Variants in ADAMTS2 observed in about 807,000 individuals in gnomAD.
ADAMTS2 encodes A disintegrin and metalloproteinase with thrombospondin motifs 2.
A neutral mutation model predicts 123.0 loss-of-function variants in ADAMTS2; 50 were observed. That is an observed-to-expected ratio of 0.41 (90% CI 0.32 to 0.51). The LOEUF (loss-of-function observed/expected upper bound fraction) is 0.51, where lower values mean the gene tolerates loss of function less well. ADAMTS2 is among the 20% of genes least tolerant of loss of function. The pLI is 0.35. For synonymous variants in ADAMTS2, 678 were observed against 695.4 expected (o/e 0.98, Z 0.39); for missense variants, 1,494 against 1,705.2 (o/e 0.88, Z 2.18).
At chr5:179,205,127 G>A (rs1764649071) in intron 4 of ADAMTS2, among the ~76,000 whole-genome samples, 2 of 152,188 alleles carry the variant, frequency 1.3e-5, no homozygotes, top group African/African-American at 4.8e-5. Flanking sequence ...AAGTTGGACG[G>A]CAAAAGTGAG....
At chr5:179,151,077 AG>A (rs1040083807) in intron 10 of ADAMTS2, 53 of 347,976 alleles carry the variant, frequency 1.5e-4, no homozygotes, top group Admixed American at 1.3e-3. Flanking sequence ...TTGTATTTTT[AG>A]TAGAGACGGG....
At chr5:179,298,119 G>C (rs1756394221) in intron 2 of ADAMTS2, among the ~76,000 whole-genome samples, 1 of 152,176 alleles carries the variant, frequency 6.6e-6, no homozygotes. Context: ...CTGCAACGCA[G>C]ATTCCGTGCT....
intron 4 of ADAMTS2, among the ~76,000 whole-genome samples, chr5:179,195,974 G>A (rs1000024537): frequency 2.6e-5 from 4 of 152,174 alleles, no homozygotes; most frequent in African/African-American, 4.8e-5. Context: ...TATGACTTGG[G>A]GCGACGCCTT....
At chr5:179,208,376 C>T (rs541435668) in intron 3 of ADAMTS2, among the ~76,000 whole-genome samples, 11 of 152,336 alleles carry the variant, frequency 7.2e-5, no homozygotes, top group South Asian at 2.1e-4. Context: ...GGCCAGGTCC[C>T]GGGCCCCCTC....
intron 4 of ADAMTS2, among the ~76,000 whole-genome samples, chr5:179,200,959 G>C (rs1295460520): frequency 6.6e-6 from 1 of 152,012 alleles, no homozygotes; most frequent in Non-Finnish European, 1.5e-5. Flanking sequence ...GGCATGAATA[G>C]GCCAAGCAAA....
chr5:179,229,037 G>A (rs541936528), intron 3 of ADAMTS2, among the ~76,000 whole-genome samples: 1 of 152,084 alleles, frequency 6.6e-6, no homozygotes, highest in East Asian at 1.9e-4. Context: ...ACCTCGGTCA[G>A]GCACCTCCAG....
At chr5:179,326,753 C>CAGGG (rs1757330705) in intron 2 of ADAMTS2, among the ~76,000 whole-genome samples, 1 of 152,052 alleles carries the variant, frequency 6.6e-6, no homozygotes, top group Non-Finnish European at 1.5e-5. Flanking sequence ...CTCGCTCGCC[C>CAGGG]AGGGAGGGAG....
At chr5:179,330,541 G>C (rs1377574130) in intron 2 of ADAMTS2, among the ~76,000 whole-genome samples, 1 of 152,230 alleles carries the variant, frequency 6.6e-6, no homozygotes, top group East Asian at 1.9e-4. Flanking sequence ...GAAGAACGCA[G>C]CAACTCTGGC....
rs1343616339 is a variant in ADAMTS2, at chr5:179,228,006, G to T, written c.689-20291C>A. 6.6e-6 allele frequency among the ~76,000 whole-genome samples: 1 copy of T among 152,120 alleles called. No individual in the cohort carries two copies. Among genetic ancestry groups the T allele is most frequent in the Non-Finnish European group, 1.5e-5 (1 of 68,002 alleles). On this transcript the variant is annotated intron_variant, in intron 3 of 21. Coordinates refer to ENST00000251582, the MANE Select transcript of ADAMTS2 (RefSeq NM_014244.5). This position sits in a 1 kb window ranked among gnomAD's most constrained non-coding sequence, Gnocchi z 5.2. ...CTGACCTGGGCAACCGGTCACCCTG[G>T]GAAGCCTTCCCTGCAAGGGACCCTC...
chr5:179,284,825 A>G (rs1369399072), intron 2 of ADAMTS2, among the ~76,000 whole-genome samples: 1 of 152,228 alleles, frequency 6.6e-6, no homozygotes, highest in African/African-American at 2.4e-5. Flanking sequence ...TGGTGACCGA[A>G]GAAGGCGGCA....
At chr5:179,259,948 G>C (rs1043174315) in intron 3 of ADAMTS2, among the ~76,000 whole-genome samples, 4 of 152,232 alleles carry the variant, frequency 2.6e-5, no homozygotes, top group Non-Finnish European at 5.9e-5. Context: ...GCAGGGCACA[G>C]TGCAAAATGG....
chr5:179,187,908 C>G (rs780751408), intron 4 of ADAMTS2, among the ~76,000 whole-genome samples: 12 of 152,200 alleles, frequency 7.9e-5, no homozygotes, highest in Non-Finnish European at 1.5e-4. Context: ...GAGGAAGGAG[C>G]GGCTCTGCAT....
rs4700784 is a variant in ADAMTS2 at position 179,154,976 on chromosome 5, G to A, written c.1133-57C>T. ...TGCCATAGCCTGGCCGGGAAGGTGA[G>A]GCCTGGCCTAACTCCCAGGCGCTGC... On this transcript the variant is annotated intron_variant, in intron 6 of 21. Transcript: ENST00000251582. The A allele has an allele frequency of 0.14, 203,667 of 1,500,846 alleles. 15,641 individuals are homozygous for A. Among genetic ancestry groups the A allele is most frequent in the African/African-American group, 0.31 (22,862 of 72,842 alleles). 93.0% of individuals were successfully genotyped at this position (1,500,846 alleles called of 1,614,324 possible).
rs1763531649 is a variant in ADAMTS2 at position 179,158,649 on chromosome 5, C to G, written c.1132+74G>C. On this transcript the variant is annotated intron_variant, in intron 6 of 21. Transcript: ENST00000251582. This position sits in a 1 kb window ranked among gnomAD's most constrained non-coding sequence, Gnocchi z 5.0. ...CTCTTCCCTGGGCTGGGCCAAGGCT[C>G]CCGGGGCCCCTTGCATGGCCAGGGG... 1.2e-6 allele frequency: 2 copies of G among 1,607,552 alleles called. No individual in the cohort carries two copies. The highest frequency in any genetic ancestry group is 3.3e-5 in the Admixed American group (2 of 59,990).
At position 179,345,378 on chromosome 5, in the gene ADAMTS2, T is replaced by A; in HGVS notation, c.-50A>T. 2.7e-6 allele frequency: 3 copies of A among 1,097,332 alleles called. No homozygotes were observed. In the African/African-American group the frequency reaches 5.1e-5, roughly 19 times the overall value. 68.0% of individuals were successfully genotyped at this position (1,097,332 alleles called of 1,614,324 possible). A position where few individuals can be genotyped will look rare whatever the true frequency, so the allele number is the denominator to read the frequency against. On this transcript the variant is annotated 5_prime_UTR_variant, in exon 1 of 22. Transcript: ENST00000251582. This position sits in a 1 kb window ranked among gnomAD's most constrained non-coding sequence, Gnocchi z 7.5. ...CCGCACTCGCAGCCGGCGCGAAAGT[T>A]CCCCGCGAGCCGCCCAGCCCACATC...
At chr5:179,240,837 C>T (rs1169400367) in intron 3 of ADAMTS2, among the ~76,000 whole-genome samples, 2 of 152,314 alleles carry the variant, frequency 1.3e-5, no homozygotes, top group East Asian at 3.9e-4. Context: ...TAAACGTCAC[C>T]AGATTCAGAG....
At chr5:179,247,445 G>A (rs1293125488) in intron 3 of ADAMTS2, among the ~76,000 whole-genome samples, 2 of 151,846 alleles carry the variant, frequency 1.3e-5, no homozygotes, top group African/African-American at 2.4e-5. Flanking sequence ...AGAAACAAAG[G>A]GGCATAAAGA....
At chr5:179,277,069 C>G (rs568296281) in intron 2 of ADAMTS2, among the ~76,000 whole-genome samples, 3 of 152,134 alleles carry the variant, frequency 2.0e-5, no homozygotes, top group Admixed American at 6.5e-5. Flanking sequence ...TGCCCTGGGC[C>G]TTGCCTCCTG....
At chr5:179,233,816 C>G (rs1057011782) in intron 3 of ADAMTS2, among the ~76,000 whole-genome samples, 1 of 152,202 alleles carries the variant, frequency 6.6e-6, no homozygotes, top group African/African-American at 2.4e-5. Flanking sequence ...GACCAGGCAC[C>G]AAGGTCTGGG....
Sources: gnomAD v4.1 joint callset for allele counts (sites outside exome capture counted in the v4.1 genomes callset) on GRCh38, gnomAD v4.1.1 for gene constraint, Gnocchi (gnomAD v3.1) non-coding constraint, MANE v1.5 for transcripts, NCBI Gene and HGNC (gene_info 2026-07-23, HGNC 2026-07-21) for gene names.